Variants in SPATA13 observed in about 807,000 individuals in gnomAD.
The protein encoded by SPATA13 is spermatogenesis-associated protein 13.
Under a neutral mutation model 104.0 loss-of-function variants are expected in SPATA13, and 50 were observed. That is an observed-to-expected ratio of 0.48 (90% CI 0.38 to 0.61). SPATA13 has a LOEUF of 0.61. SPATA13 is among the 20% of genes least tolerant of loss of function. SPATA13 has a pLI of 0.00. For missense variants in SPATA13, 1,524 were observed against 1,690.6 expected (o/e 0.90, Z 1.73); for synonymous variants, 606 against 667.5 (o/e 0.91, Z 1.42).
At chr13:24,262,309 C>CTTTTTTTTTTTTTTTTTTTTT (rs71186821) in intron 4 of SPATA13, among the ~76,000 whole-genome samples, 1 of 138,330 alleles carries the variant, frequency 7.2e-6, no homozygotes. Flanking sequence ...AGTTTTTTTT[C>CTTTTTTTTTTTTTTTTTTTTT]TTTTTTTTTT....
chr13:24,180,014 G>A (rs557630872), intron 1 of SPATA13, among the ~76,000 whole-genome samples: 6 of 152,206 alleles, frequency 3.9e-5, no homozygotes, highest in African/African-American at 1.2e-4. Context: ...AAATTTTGAT[G>A]AAATCATTTA....
At chr13:24,106,426 T>G (rs534926694) in intron 3 of SPATA13, among the ~76,000 whole-genome samples, 1 of 152,328 alleles carries the variant, frequency 6.6e-6, no homozygotes, top group East Asian at 1.9e-4. Flanking sequence ...CTTTTCCTTG[T>G]ATATGAAAAT....
intron 2 of SPATA13, among the ~76,000 whole-genome samples, chr13:23,997,085 C>T (rs1023964531): frequency 6.6e-6 from 1 of 152,210 alleles, no homozygotes; most frequent in Non-Finnish European, 1.5e-5. Flanking sequence ...TTGTAAGGGT[C>T]AGTCACGATT....
At chr13:24,121,591 A>G (rs1252634974) in intron 3 of SPATA13, among the ~76,000 whole-genome samples, 2 of 152,328 alleles carry the variant, frequency 1.3e-5, no homozygotes, top group Non-Finnish European at 2.9e-5. Flanking sequence ...ATTGACATAT[A>G]AAGAATAGAT....
At chr13:24,053,591 G>A (rs945742940) in intron 3 of SPATA13, among the ~76,000 whole-genome samples, 2 of 152,106 alleles carry the variant, frequency 1.3e-5, no homozygotes, top group Non-Finnish European at 2.9e-5. Flanking sequence ...CACGGTGGGA[G>A]TATTTTTCTC....
Position 24,223,434 on chromosome 13 carries a change from G to A in SPATA13, c.505G>A (p.Ala169Thr). 6.4e-7 allele frequency: 1 copy of A among 1,550,912 alleles called. No homozygotes were observed. The highest frequency in any genetic ancestry group is 1.4e-5 in the African/African-American group (1 of 73,190). ...SRGSPLAPGP[A>T]CGALRPAEWG... The stretch of plus-strand genomic sequence containing the variant: ...GGGCTCCCCCTTAGCACCGGGACCA[G>A]CATGTGGTGCCCTCAGGCCAGCAGA... Residue 169 changes from alanine (A) to threonine (T), a missense_variant, in exon 2 of 13, where the codon GCA becomes ACA. Physicochemically the swap from Ala to Thr is moderately conservative, Grantham distance 58. This residue lies in a region of SPATA13 where 1,089 missense variants were observed against 1,135.9 expected (regional missense o/e 0.96). Transcript: ENST00000382108.
At chr13:24,027,991 T>C (rs1172446578) in intron 3 of SPATA13, among the ~76,000 whole-genome samples, 2 of 152,226 alleles carry the variant, frequency 1.3e-5, no homozygotes, top group East Asian at 1.9e-4. Context: ...AATTCTGTTT[T>C]AGTAGTTTTT....
At chr13:24,195,258 A>C (rs1869989951) in intron 1 of SPATA13, among the ~76,000 whole-genome samples, 1 of 152,202 alleles carries the variant, frequency 6.6e-6, no homozygotes, top group Non-Finnish European at 1.5e-5. Context: ...TTCAGTGTGC[A>C]TTCATGTTGT....
chr13:24,189,562 A>T (rs1468878118), intron 1 of SPATA13, among the ~76,000 whole-genome samples: 1 of 131,486 alleles, frequency 7.6e-6, no homozygotes, highest in African/African-American at 2.9e-5. Flanking sequence ...AGTATATTTA[A>T]TATTACATAC....
At position 24,286,677 on chromosome 13, in the gene SPATA13, G is replaced by A; in HGVS notation, c.2482-88G>A. On this transcript the variant is annotated intron_variant, in intron 6 of 12. Transcript: ENST00000382108. The surrounding 1 kb of genome is among the most constrained non-coding windows in gnomAD (Gnocchi z 4.9). ...AGGCTGCCTTCCTAACAGGTCACAGGAAAGTAGGAACCTGGGAGGTCTCCT... is the reference window on the plus strand; with the variant it reads ...AGGCTGCCTTCCTAACAGGTCACAGAAAAGTAGGAACCTGGGAGGTCTCCT... 1.5e-6 allele frequency: 2 copies of A among 1,314,704 alleles called. No homozygotes were observed. The highest frequency in any genetic ancestry group is 2.1e-6 in the Non-Finnish European group (2 of 955,966). The allele number at this position is 1,314,704 out of a possible 1,614,324, so 81.4% of individuals were successfully genotyped here.
At position 24,280,507 on chromosome 13, in the gene SPATA13, G is replaced by A. The variant is rs1443043415; in HGVS notation, c.2165-3628G>A. Among the ~76,000 whole-genome samples the A allele has an allele frequency of 1.5e-4, 13 of 84,860 alleles. No individual in the cohort carries two copies. The East Asian group carries it at 3.9e-3, about 25-fold the overall frequency. The allele number at this position is 84,860 out of a possible 152,430, so 55.7% of individuals were successfully genotyped here. A position where few individuals can be genotyped will look rare whatever the true frequency, so the allele number is the denominator to read the frequency against. On this transcript the variant is annotated intron_variant, in intron 4 of 12. Transcript: ENST00000382108. ...TGAGATGCACTTTTTTTTTTTTTTT[G>A]GCTCAACCACGGTTTAAATTGATAA...
At chr13:24,095,412 T>G (rs1198201851) in intron 3 of SPATA13, among the ~76,000 whole-genome samples, 1 of 151,666 alleles carries the variant, frequency 6.6e-6, no homozygotes, top group Non-Finnish European at 1.5e-5. Context: ...AGGGCTGGGG[T>G]AGGGGGTGCA....
chr13:24,124,376 G>A (rs1488380145), intron 3 of SPATA13, among the ~76,000 whole-genome samples: 1 of 152,190 alleles, frequency 6.6e-6, no homozygotes, highest in African/African-American at 2.4e-5. Context: ...GTTGCTGAAA[G>A]CTCTTTCAGG....
chr13:23,988,994 G>A (rs1401031051), intron 2 of SPATA13, among the ~76,000 whole-genome samples: 1 of 152,106 alleles, frequency 6.6e-6, no homozygotes, highest in Non-Finnish European at 1.5e-5. Flanking sequence ...TCAAATACTG[G>A]CTCGGTGACA....
chr13:24,287,020 C>A, intron 7 of SPATA13, 70 bp downstream of exon 7: 1 of 1,348,144 alleles, frequency 7.4e-7, no homozygotes, highest in East Asian at 2.4e-5. Context: ...GGGCTTTCTC[C>A]CCACCTCCAC....
intron 2 of SPATA13, among the ~76,000 whole-genome samples, chr13:23,985,359 G>A (rs189657614): frequency 6.1e-4 from 93 of 152,378 alleles, no homozygotes; most frequent in Middle Eastern, 3.4e-3. Flanking sequence ...GTGTCATGGC[G>A]TGGCCACCCC....
At chr13:24,224,630 A>G in intron 2 of SPATA13, 48 bp downstream of exon 2, 1 of 1,531,012 alleles carries the variant, frequency 6.5e-7, no homozygotes, top group South Asian at 1.2e-5. Context: ...TCCTGCGGGA[A>G]GGGAGCTTGC....
At chr13:24,002,810 G>A (rs1253033310) in intron 2 of SPATA13, among the ~76,000 whole-genome samples, 1 of 152,186 alleles carries the variant, frequency 6.6e-6, no homozygotes, top group Non-Finnish European at 1.5e-5. Flanking sequence ...AGGCACGGAC[G>A]TAGAACCCAT....
intron 3 of SPATA13, among the ~76,000 whole-genome samples, chr13:24,098,714 G>C (rs921884275): frequency 6.6e-6 from 1 of 152,008 alleles, no homozygotes; most frequent in African/African-American, 2.4e-5. Flanking sequence ...GGATCACGAG[G>C]TCAAGAGATC....
Sources: allele counts gnomAD v4.1 joint callset (sites outside exome capture counted in the v4.1 genomes callset), GRCh38; gene constraint gnomAD v4.1.1; regional missense constraint gnomAD v4.1.1; non-coding constraint Gnocchi (gnomAD v3.1); transcripts MANE v1.5; gene names NCBI Gene and HGNC (gene_info 2026-07-23, HGNC 2026-07-21).